Variants in NAALADL2 observed in about 807,000 individuals in gnomAD.
NAALADL2 encodes the protein inactive N-acetylated-alpha-linked acidic dipeptidase-like protein 2.
NAALADL2 carries 76 observed loss-of-function variants against 87.2 expected under a neutral mutation model. The ratio of observed to expected loss-of-function variants is 0.87; its 90% CI spans 0.72 to 1.05. NAALADL2 has a LOEUF of 1.05. Ranked by LOEUF, NAALADL2 falls within the 50% of genes least tolerant of loss-of-function variation. The probability of loss-of-function intolerance (pLI) is 0.00; values close to 1 mark genes in which losing one functional copy is unlikely to be tolerated. For synonymous variants in NAALADL2, 354 were observed against 331.0 expected, an observed-to-expected ratio of 1.07 and a Z score of -0.75; for missense variants, 1,089 against 945.8, an observed-to-expected ratio of 1.15 and a Z score of -1.99.
At chr3:174,878,590 C>A (rs1325148555) in intron 1 of NAALADL2, among the ~76,000 whole-genome samples, 3 of 151,974 alleles carry the variant, frequency 2.0e-5, no homozygotes, top group African/African-American at 7.2e-5. Flanking sequence ...TTGTTTAATC[C>A]ATTTATGGAG....
intron 4 of NAALADL2, among the ~76,000 whole-genome samples, chr3:175,308,832 T>A (rs777229585): frequency 1.1e-4 from 16 of 152,202 alleles, no homozygotes; most frequent in Admixed American, 2.0e-4. Flanking sequence ...TGACATGCAC[T>A]CTGACCCTTC....
intron 2 of NAALADL2, among the ~76,000 whole-genome samples, chr3:175,188,812 C>T (rs567143534): frequency 3.9e-5 from 6 of 152,234 alleles, no homozygotes; most frequent in Non-Finnish European, 8.8e-5. Flanking sequence ...TGTGGTACCC[C>T]AATCCCCTGG....
intron 3 of NAALADL2, among the ~76,000 whole-genome samples, chr3:174,838,021 G>GA (rs77681462): frequency 0.014 from 983 of 71,888 alleles, 9 homozygotes; most frequent in East Asian, 0.039. Context: ...AACCAAAAAA[G>GA]AAAAAAAAAA....
chr3:174,997,192 A>G (rs1188263804), intron 1 of NAALADL2, among the ~76,000 whole-genome samples: 1 of 151,952 alleles, frequency 6.6e-6, no homozygotes, highest in African/African-American at 2.4e-5. Context: ...CTTTGGATAG[A>G]TATCCAGTAG....
intron 2 of NAALADL2, among the ~76,000 whole-genome samples, chr3:175,155,015 T>G (rs1416424194): frequency 6.6e-6 from 1 of 152,172 alleles, no homozygotes; most frequent in Non-Finnish European, 1.5e-5. Flanking sequence ...AAGGATTCCC[T>G]CAGATTTTGT....
At chr3:175,331,781 A>C (rs1761432280) in intron 5 of NAALADL2, among the ~76,000 whole-genome samples, 1 of 152,168 alleles carries the variant, frequency 6.6e-6, no homozygotes, top group Non-Finnish European at 1.5e-5. Flanking sequence ...AGAAATAAAA[A>C]GACATCCACA....
Position 174,452,937 on chromosome 3 carries a change from G to A in NAALADL2, c.-184+11905G>A, listed in dbSNP as rs79801779. Among the ~76,000 whole-genome samples, 738 of 152,210 alleles carry A rather than the reference G, an allele frequency of 4.8e-3. 3 individuals are homozygous for A. The highest frequency in any genetic ancestry group is 0.017 in the African/African-American group (704 of 41,548). Reference sequence around the variant, plus strand: ...AAGCGTTCTGAACTGGGACTGAGATGACTGACGTGACAGAAATAGAATTCA... The same window carrying A: ...AAGCGTTCTGAACTGGGACTGAGATAACTGACGTGACAGAAATAGAATTCA... On this transcript the variant is annotated intron_variant, in intron 1 of 3. Coordinates refer to the NAALADL2 transcript ENST00000434257.
At chr3:174,478,258 A>C (rs1717336374) in intron 1 of NAALADL2, among the ~76,000 whole-genome samples, 1 of 152,102 alleles carries the variant, frequency 6.6e-6, no homozygotes, top group Non-Finnish European at 1.5e-5. Context: ...TATAGTTGTA[A>C]GATTTATGGT....
At chr3:174,850,900 T>A (rs1487873468) in intron 3 of NAALADL2, among the ~76,000 whole-genome samples, 1 of 152,056 alleles carries the variant, frequency 6.6e-6, no homozygotes, top group Non-Finnish European at 1.5e-5. Flanking sequence ...ACACTGAAAT[T>A]ATATCAAGTA....
At chr3:175,685,134 C>T (rs147317548) in intron 11 of NAALADL2, among the ~76,000 whole-genome samples, 2 of 152,230 alleles carry the variant, frequency 1.3e-5, no homozygotes, top group African/African-American at 4.8e-5. Flanking sequence ...TGTATTAGCT[C>T]TTTGGATCCC....
chr3:175,616,686 G>A (rs1276106367), intron 10 of NAALADL2, among the ~76,000 whole-genome samples: 1 of 152,084 alleles, frequency 6.6e-6, no homozygotes, highest in Non-Finnish European at 1.5e-5. Flanking sequence ...CCAGCAGGCT[G>A]CACTCCCTTG....
At chr3:174,989,841 A>G (rs567572535) in intron 1 of NAALADL2, among the ~76,000 whole-genome samples, 2 of 152,284 alleles carry the variant, frequency 1.3e-5, no homozygotes, top group Admixed American at 6.5e-5. Context: ...AGTTTCATGC[A>G]TGGAAAACTA....
At chr3:175,756,028 T>C (rs1222893388) in intron 13 of NAALADL2, among the ~76,000 whole-genome samples, 1 of 152,130 alleles carries the variant, frequency 6.6e-6, no homozygotes, top group Non-Finnish European at 1.5e-5. Context: ...GTTCCTTATA[T>C]AGTAGAAGAT....
chr3:174,940,979 TA>T (rs1194035546), intron 1 of NAALADL2, among the ~76,000 whole-genome samples: 1 of 152,052 alleles, frequency 6.6e-6, no homozygotes, highest in Non-Finnish European at 1.5e-5. Context: ...ATCTATTGGA[TA>T]TTTTTTTGTG....
chr3:175,148,082 AATG>A (rs1182562076), intron 2 of NAALADL2, among the ~76,000 whole-genome samples: 1 of 83,974 alleles, frequency 1.2e-5, no homozygotes, highest in Non-Finnish European at 2.9e-5. Context: ...AAATAATAAT[AATG>A]ATAATGATAA....
chr3:174,789,572 G>T (rs985465590), intron 3 of NAALADL2, among the ~76,000 whole-genome samples: 2 of 152,110 alleles, frequency 1.3e-5, no homozygotes, highest in African/African-American at 4.8e-5. Context: ...TGATGCTGAG[G>T]ATCAATTGAT....
chr3:175,093,343 A>G (rs1454506712), intron 1 of NAALADL2, among the ~76,000 whole-genome samples: 2 of 150,344 alleles, frequency 1.3e-5, no homozygotes, highest in Non-Finnish European at 3.0e-5. Flanking sequence ...AATTTATGCT[A>G]TCTCAAAGCT....
At chr3:175,202,172 T>C (rs1383203276) in intron 2 of NAALADL2, among the ~76,000 whole-genome samples, 1 of 152,148 alleles carries the variant, frequency 6.6e-6, no homozygotes, top group East Asian at 1.9e-4. Flanking sequence ...ATCACTCTGC[T>C]TTGATGCCTC....
At chr3:174,948,162 C>CTTATTTATTTATTTATTTAT (rs140866333) in intron 1 of NAALADL2, among the ~76,000 whole-genome samples, 242 of 150,194 alleles carry the variant, frequency 1.6e-3, no homozygotes, top group African/African-American at 5.7e-3. Flanking sequence ...CCATATAGAA[C>CTTATTTATTTATTTATTTAT]TTATTTATTT....
Sources: allele counts gnomAD v4.1 joint callset (sites outside exome capture counted in the v4.1 genomes callset), GRCh38; gene constraint gnomAD v4.1.1; transcripts MANE v1.5; gene names NCBI Gene and HGNC (gene_info 2026-07-23, HGNC 2026-07-21).